MYOM1: variants seen among roughly 807,000 people sequenced by gnomAD.
The protein encoded by MYOM1 is myomesin 1, also known as myomesin-1.
Under a neutral mutation model 205.3 loss-of-function variants are expected in MYOM1, and 164 were observed. That is an observed-to-expected ratio of 0.80 (90% CI 0.70 to 0.91). The LOEUF (loss-of-function observed/expected upper bound fraction) is 0.91, where lower values mean the gene tolerates loss of function less well. Ranked by LOEUF, MYOM1 falls within the 40% of genes least tolerant of loss-of-function variation. The pLI is 0.00. For missense variants in MYOM1, 2,011 were observed against 2,127.3 expected (o/e 0.95, Z 1.08); for synonymous variants, 772 against 789.4 (o/e 0.98, Z 0.37).
intron 33 of MYOM1, among the ~76,000 whole-genome samples, chr18:3,083,388 TC>T: frequency 6.6e-6 from 1 of 151,338 alleles, no homozygotes; most frequent in African/African-American, 2.4e-5. Context: ...GGAAAGAATT[TC>T]TTTTTCTTTC....
At chr18:3,242,767 C>T in the MYOM1 span, among the ~76,000 whole-genome samples, 12 of 152,196 alleles carry the variant, frequency 7.9e-5, no homozygotes, top group African/African-American at 2.9e-4. Flanking sequence ...CTTTGGCCTC[C>T]CAAAGTGCTG....
chr18:3,083,957 A>G (rs770277000), intron 32 of MYOM1, 32 bp downstream of exon 32: 33 of 1,585,186 alleles, frequency 2.1e-5, no homozygotes, highest in Non-Finnish European at 2.7e-5. Context: ...AGGATCATAA[A>G]GCATTGTTGT....
intron 3 of MYOM1, chr18:3,190,249 G>A (rs916100667): frequency 1.3e-5 from 2 of 152,146 alleles, no homozygotes; most frequent in African/African-American, 4.8e-5. Context: ...CCCCTCAAAT[G>A]TTTCGTGAGA....
rs2079150081 is a variant in MYOM1 at position 3,086,094 on chromosome 18, A to G, written c.4195T>C (p.Ser1399Pro). The change falls in exon 30 of 38, where the codon TCA becomes CCA. Residue 1399 changes from serine to proline, a missense_variant. Transcript: ENST00000356443. ...IVWYKDEREI[S>P]VDEKHDFKDG... is the part of the protein sequence containing the mutation. ...TTAAAGTCATGCTTTTCATCCACTG[A>G]TATCTCCCTCTCATCTTTGTACCAC... 1.2e-6 allele frequency: 2 copies of G among 1,612,048 alleles called. No individual in the cohort carries two copies. Among genetic ancestry groups the G allele is most frequent in the Admixed American group, 1.7e-5 (1 of 59,976 alleles).
At chr18:3,079,446 A>C (rs1325801040) in intron 33 of MYOM1, 104 bp from the exon 34 acceptor site, 3 of 1,262,750 alleles carry the variant, frequency 2.4e-6, no homozygotes, top group Non-Finnish European at 3.2e-6. Flanking sequence ...GTAGGCTTTC[A>C]AAAAACGAGG....
At chr18:3,107,242 C>G (rs970629225) in intron 22 of MYOM1, among the ~76,000 whole-genome samples, 1 of 152,132 alleles carries the variant, frequency 6.6e-6, no homozygotes, top group African/African-American at 2.4e-5. Flanking sequence ...CTCAGCCTCC[C>G]GAGTGGGTGG....
In MYOM1 at chr18:3,082,073, C is replaced by T. The variant is rs993298811; in HGVS notation, c.4484+1716G>A. 5.3e-5 allele frequency among the ~76,000 whole-genome samples: 8 copies of T among 152,328 alleles called. No individual in the cohort carries two copies. In the South Asian group the frequency reaches 1.4e-3, roughly 28 times the overall value. On this transcript the variant is annotated intron_variant, in intron 33 of 37. Transcript: ENST00000356443. ...TAAGGAGCGCACAACCTAGATCCCT[C>T]GCATGCGCAGTTCACAATAGGGTTC...
At chr18:3,118,327 C>G (rs1420050603) in intron 20 of MYOM1, among the ~76,000 whole-genome samples, 1 of 146,226 alleles carries the variant, frequency 6.8e-6, no homozygotes, top group African/African-American at 2.6e-5. Context: ...CGCTCACCTG[C>G]AACCTTTCTT....
At chr18:3,222,648 A>G (rs1380623598), upstream of MYOM1, among the ~76,000 whole-genome samples, 1 of 152,138 alleles carries the variant, frequency 6.6e-6, no homozygotes, top group African/African-American at 2.4e-5. Context: ...CTTCTGTAAC[A>G]TTTCTTCCTT....
chr18:3,083,971 G>A lies in MYOM1; in HGVS notation c.4378+18C>T. On this transcript the variant is annotated intron_variant, in intron 32 of 37. Coordinates refer to ENST00000356443, the MANE Select transcript of MYOM1 (RefSeq NM_003803.4). ...GAGGATCATAAAGCATTGTTGTGGT[G>A]CGAAATGTTTGACTCACCTATTTTT... The A allele has an allele frequency of 6.3e-7, 1 of 1,587,286 alleles. No homozygotes were observed. The highest frequency in any genetic ancestry group is 8.6e-7 in the Non-Finnish European group (1 of 1,165,176).
rs756218034 is a variant in MYOM1, at chr18:3,126,704, G to T, written c.2988C>A (p.Tyr996Ter). ...ANVKAVSEEA[Y>*]KISNLKENMV... ...CTACAGAAAGTCACGTGCTTACCTT[G>T]TATGCCTCCTCACTGACAGCCTTGA... The change falls in exon 19 of 38, where the codon TAC (tyrosine) becomes TAA (stop). Residue 996 changes from tyrosine (Y) to a stop codon, truncating the protein, a stop_gained. Coordinates refer to ENST00000356443, the MANE Select transcript of MYOM1 (RefSeq NM_003803.4). LOFTEE classifies it high-confidence loss of function. 6.2e-7 allele frequency: 1 copy of T among 1,611,924 alleles called. No homozygotes were observed. The highest frequency in any genetic ancestry group is 1.7e-5 in the Admixed American group (1 of 59,926).
intron 29 of MYOM1, among the ~76,000 whole-genome samples, chr18:3,086,601 A>G (rs561060617): frequency 1.6e-4 from 25 of 152,362 alleles, no homozygotes; most frequent in African/African-American, 5.8e-4. Context: ...AGATAAATGA[A>G]GCATTGCAAA....
At chr18:3,140,376 C>A in intron 14 of MYOM1, among the ~76,000 whole-genome samples, 1 of 150,844 alleles carries the variant, frequency 6.6e-6, no homozygotes, top group Non-Finnish European at 1.5e-5. Flanking sequence ...CATTGCACTC[C>A]AGCCTGGGCA....
intron 9 of MYOM1, among the ~76,000 whole-genome samples, chr18:3,167,507 G>A (rs968257650): frequency 2.0e-5 from 3 of 151,990 alleles, no homozygotes; most frequent in Admixed American, 1.3e-4. Flanking sequence ...CCTCAGCCAC[G>A]CAAGTAGCTG....
At chr18:3,163,150 G>A (rs920304628) in intron 10 of MYOM1, among the ~76,000 whole-genome samples, 6 of 152,202 alleles carry the variant, frequency 3.9e-5, no homozygotes, top group Non-Finnish European at 8.8e-5. Flanking sequence ...CATCAAAACA[G>A]AGGCTATAAA....
Position 3,089,591 on chromosome 18 carries a change from T to G in MYOM1, c.4015A>C (p.Lys1339Gln). 6.2e-7 allele frequency: 1 copy of G among 1,606,652 alleles called. No individual in the cohort carries two copies. The highest frequency in any genetic ancestry group is 1.1e-5 in the South Asian group (1 of 89,706). ...STVVLVGDVF[K>Q]KLQKEAEFQR... ...AATTCAGCTTCTTTCTGGAGCTTTT[T>G]GAAAACTACAAATTGAAAAACAAGG... is the stretch of plus-strand genomic sequence containing the variant. Residue 1339 changes from lysine (K) to glutamine (Q), a missense_variant, in exon 28 of 38, where the codon AAA becomes CAA. Physicochemically the swap from Lys to Gln is moderately conservative, Grantham distance 53. Coordinates refer to ENST00000356443, the MANE Select transcript of MYOM1 (RefSeq NM_003803.4).
In MYOM1 at chr18:3,189,895, G is replaced by A. The variant is rs539170004; in HGVS notation, c.432-808C>T. On this transcript the variant is annotated intron_variant, in intron 3 of 37. Transcript: ENST00000356443. The surrounding 1 kb of genome is among the most constrained non-coding windows in gnomAD (Gnocchi z 4.8). Reference sequence around the variant, plus strand: ...ATCTGGGTTCTGTCACTTTGCTGATGTAATGCATTGCCTGGAGTTGTTACA... The same window carrying A: ...ATCTGGGTTCTGTCACTTTGCTGATATAATGCATTGCCTGGAGTTGTTACA... Among the ~76,000 whole-genome samples the A allele has an allele frequency of 7.2e-5, 11 of 152,182 alleles. No individual in the cohort carries two copies. Among genetic ancestry groups the A allele is most frequent in the Non-Finnish European group, 1.3e-4 (9 of 68,024 alleles).
At chr18:3,212,298 C>T (rs1291614032) in intron 2 of MYOM1, among the ~76,000 whole-genome samples, 1 of 152,080 alleles carries the variant, frequency 6.6e-6, no homozygotes, top group Admixed American at 6.5e-5. Context: ...TGAGTTTGAA[C>T]ACAGAAAAAT....
intron 22 of MYOM1, among the ~76,000 whole-genome samples, chr18:3,107,396 C>T (rs749707772): frequency 4.3e-4 from 66 of 152,170 alleles, no homozygotes; most frequent in Non-Finnish European, 3.4e-4. Flanking sequence ...GGATTACAGG[C>T]GTGAGCCACC....
Sources: gnomAD v4.1 joint callset for allele counts (sites outside exome capture counted in the v4.1 genomes callset) on GRCh38, gnomAD v4.1.1 for gene constraint, Gnocchi (gnomAD v3.1) non-coding constraint, MANE v1.5 for transcripts, NCBI Gene and HGNC (gene_info 2026-07-23, HGNC 2026-07-21) for gene names.